Variants in BRAF observed in about 807,000 individuals in gnomAD.
The protein encoded by BRAF is B-Raf proto-oncogene, serine/threonine kinase.
Under a neutral mutation model 104.6 loss-of-function variants are expected in BRAF, and 16 were observed. The observed-to-expected ratio is 0.15, with a 90% CI of 0.10 to 0.23. BRAF has a LOEUF of 0.23. BRAF is among the 10% of genes least tolerant of loss of function. BRAF has a pLI of 1.00. For synonymous variants in BRAF, 310 were observed against 341.6 expected (o/e 0.91, Z 1.02); for missense variants, 541 against 937.3 (o/e 0.58, Z 5.52).
At chr7:140,846,891 C>G (rs1808612329) in intron 2 of BRAF, among the ~76,000 whole-genome samples, 1 of 152,238 alleles carries the variant, frequency 6.6e-6, no homozygotes, top group Non-Finnish European at 1.5e-5. Flanking sequence ...CACGGTGGCT[C>G]ACGCCTATAA....
intron 3 of BRAF, among the ~76,000 whole-genome samples, chr7:140,827,725 C>G (rs1043963998): frequency 6.6e-6 from 1 of 152,112 alleles, no homozygotes; most frequent in East Asian, 1.9e-4. Context: ...AGGCCACGAC[C>G]GCAGAGGTCA....
chr7:140,854,458 T>C (rs1809542527), intron 1 of BRAF, among the ~76,000 whole-genome samples: 1 of 151,988 alleles, frequency 6.6e-6, no homozygotes, highest in Non-Finnish European at 1.5e-5. Flanking sequence ...CTTTCTTAGG[T>C]CCAGTAAATT....
chr7:140,762,847 A>C (rs1361545578), intron 14 of BRAF, among the ~76,000 whole-genome samples: 1 of 152,226 alleles, frequency 6.6e-6, no homozygotes. Flanking sequence ...TGTTTAACAA[A>C]GCACATCTTG....
At chr7:140,718,399 C>T (rs990492146), downstream of BRAF, among the ~76,000 whole-genome samples, 12 of 152,300 alleles carry the variant, frequency 7.9e-5, no homozygotes, top group African/African-American at 1.9e-4. Context: ...TACAGGCATG[C>T]GCCACCACAG....
chr7:140,835,299 T>C (rs1309999303), intron 2 of BRAF: 1 of 182,026 alleles, frequency 5.5e-6, no homozygotes, highest in Non-Finnish European at 1.2e-5. Flanking sequence ...TCGTTCTCTC[T>C]CTCTCTCAAC....
At chr7:140,920,028 A>C (rs1818047584) in intron 1 of BRAF, among the ~76,000 whole-genome samples, 1 of 152,168 alleles carries the variant, frequency 6.6e-6, no homozygotes, top group Non-Finnish European at 1.5e-5. Flanking sequence ...ATCTGACTTT[A>C]CAGAATAACC....
At chr7:140,812,663 T>TGAAATTTTATA (rs1472013397) in intron 3 of BRAF, among the ~76,000 whole-genome samples, 4 of 152,202 alleles carry the variant, frequency 2.6e-5, no homozygotes, top group African/African-American at 9.7e-5. Flanking sequence ...TACTATTTGT[T>TGAAATTTTATA]CTTTCATGAT....
intron 17 of BRAF, among the ~76,000 whole-genome samples, chr7:140,744,774 T>C (rs1443322725): frequency 6.6e-6 from 1 of 152,232 alleles, no homozygotes; most frequent in East Asian, 1.9e-4. Flanking sequence ...TTCATTAAGA[T>C]ACATATTTCC....
intron 1 of BRAF, 136 bp from the exon 2 acceptor site, chr7:140,850,348 G>C: frequency 1.6e-6 from 1 of 625,542 alleles, no homozygotes; most frequent in Non-Finnish European, 2.7e-6. Flanking sequence ...TAGTACAGTG[G>C]TTTTTCTCTT....
chr7:140,902,147 C>A (rs1187385985), intron 1 of BRAF, among the ~76,000 whole-genome samples: 1 of 152,192 alleles, frequency 6.6e-6, no homozygotes, highest in Admixed American at 6.5e-5. Flanking sequence ...CTGTTGGCAC[C>A]ATTTTTCCAA....
intron 15 of BRAF, 140 bp downstream of exon 14, chr7:140,754,047 G>A (rs1035723092): frequency 1.2e-6 from 1 of 869,414 alleles, no homozygotes; most frequent in Non-Finnish European, 1.9e-6. Context: ...TCCTATACAT[G>A]CATGCACAAT....
chr7:140,893,551 C>T (rs1370500945), intron 1 of BRAF, among the ~76,000 whole-genome samples: 1 of 151,972 alleles, frequency 6.6e-6, no homozygotes, highest in Non-Finnish European at 1.5e-5. Flanking sequence ...GCCCAGCCCC[C>T]CATAACATTC....
chr7:140,872,623 G>T (rs1455820601), intron 1 of BRAF, among the ~76,000 whole-genome samples: 2 of 152,172 alleles, frequency 1.3e-5, no homozygotes. Context: ...GGGAGGTTGA[G>T]GTGGGAGGAC....
rs1462679241 is a variant in BRAF, at chr7:140,889,787, A to T, written c.138+34779T>A. 2.6e-5 allele frequency among the ~76,000 whole-genome samples: 4 copies of T among 152,252 alleles called. No individual in the cohort carries two copies. The East Asian group carries it at 5.8e-4, about 22-fold the overall frequency. On this transcript the variant is annotated intron_variant, in intron 1 of 19. Transcript: ENST00000644969. ...GGATGCCAAAAGGTATAAGGAGAGC[A>T]ACACAAGCTGTCCACTGTGGTTAAT...
At chr7:140,772,443 G>A (rs559437671) in intron 14 of BRAF, among the ~76,000 whole-genome samples, 6 of 152,078 alleles carry the variant, frequency 3.9e-5, no homozygotes, top group South Asian at 4.2e-4. Flanking sequence ...GTGACATGGC[G>A]AAACTCTGTC....
chr7:140,771,603 T>C (rs1200638987), intron 14 of BRAF, among the ~76,000 whole-genome samples: 1 of 152,202 alleles, frequency 6.6e-6, no homozygotes, highest in Non-Finnish European at 1.5e-5. Context: ...GACTTTAGAA[T>C]GAATTTTGGT....
intron 14 of BRAF, among the ~76,000 whole-genome samples, chr7:140,767,032 C>G (rs1420260326): frequency 6.6e-6 from 1 of 151,860 alleles, no homozygotes; most frequent in Non-Finnish European, 1.5e-5. Flanking sequence ...GAGACAGAGT[C>G]TTGCTCTGTC....
intron 8 of BRAF, among the ~76,000 whole-genome samples, chr7:140,789,200 C>A (rs1801695424): frequency 6.6e-6 from 1 of 150,526 alleles, no homozygotes; most frequent in African/African-American, 2.5e-5. Context: ...CAGAGTGAGA[C>A]TCCATCACAG....
intron 13 of BRAF, 50 bp downstream of exon 12, chr7:140,777,941 T>C (rs747785721): frequency 1.9e-6 from 3 of 1,543,988 alleles, no homozygotes; most frequent in Admixed American, 1.7e-5. Context: ...AACCAGGAGC[T>C]AATAAAAATA....
Sources: gnomAD v4.1 joint callset for allele counts (sites outside exome capture counted in the v4.1 genomes callset) on GRCh38, gnomAD v4.1.1 for gene constraint, MANE v1.5 for transcripts, NCBI Gene and HGNC (gene_info 2026-07-23, HGNC 2026-07-21) for gene names.